TRPM3: variants seen among roughly 807,000 people sequenced by gnomAD.
TRPM3 encodes long transient receptor potential channel 3.
A neutral mutation model predicts 181.2 loss-of-function variants in TRPM3; 77 were observed. The observed-to-expected ratio is 0.42, with a 90% CI of 0.35 to 0.51. The LOEUF (loss-of-function observed/expected upper bound fraction) is 0.51, where lower values mean the gene tolerates loss of function less well. Ranked by LOEUF, TRPM3 falls within the 20% of genes least tolerant of loss-of-function variation. The pLI, the probability that TRPM3 is intolerant of heterozygous loss-of-function variation, is 0.01. For synonymous variants in TRPM3, 745 were observed against 796.4 expected (o/e 0.94, Z 1.09); for missense variants, 1,759 against 2,196.7 (o/e 0.80, Z 3.98).
At chr9:71,308,625 T>C (rs1009901605) in intron 1 of TRPM3, among the ~76,000 whole-genome samples, 1 of 152,096 alleles carries the variant, frequency 6.6e-6, no homozygotes, top group Non-Finnish European at 1.5e-5. Flanking sequence ...AGAAGGAAAA[T>C]TATTTTACAC....
At chr9:71,445,003 C>CA (rs1232591418) in intron 1 of TRPM3, among the ~76,000 whole-genome samples, 2 of 152,222 alleles carry the variant, frequency 1.3e-5, no homozygotes, top group African/African-American at 4.8e-5. Context: ...AGAACTACAG[C>CA]ACCATCATCA....
At chr9:70,993,977 T>C (rs761745666) in intron 1 of TRPM3, among the ~76,000 whole-genome samples, 1 of 152,088 alleles carries the variant, frequency 6.6e-6, no homozygotes, top group Admixed American at 6.6e-5. Flanking sequence ...AGAGGCATAC[T>C]GTGATTGTTG....
At chr9:70,537,840 G>A (rs1368293056) in intron 25 of TRPM3, among the ~76,000 whole-genome samples, 5 of 152,128 alleles carry the variant, frequency 3.3e-5, no homozygotes, top group African/African-American at 1.2e-4. Context: ...CCCACAAAAT[G>A]AGAATGTTGC....
At chr9:71,298,375 A>C (rs2132311041) in intron 1 of TRPM3, among the ~76,000 whole-genome samples, 2 of 152,278 alleles carry the variant, frequency 1.3e-5, no homozygotes, top group South Asian at 4.1e-4. Context: ...GTCTAAGCTC[A>C]AGGGATGAAT....
At chr9:71,163,382 G>A (rs1018860988) in intron 1 of TRPM3, among the ~76,000 whole-genome samples, 1 of 152,102 alleles carries the variant, frequency 6.6e-6, no homozygotes, top group Non-Finnish European at 1.5e-5. Context: ...TGTTGATTAG[G>A]GAGATGGAAA....
rs149274549 is a variant in TRPM3, at chr9:71,396,608, C to A, written c.183+50045G>T. On this transcript the variant is annotated intron_variant, in intron 1 of 24. Transcript: ENST00000357533. ...GAGTTTCCTCAGGAGAAAGACGATT[C>A]TGAGAACCAAATCTAAAAAGTTAAA... 9.7e-4 allele frequency among the ~76,000 whole-genome samples: 147 copies of A among 151,542 alleles called. 2 individuals are homozygous for A. The highest frequency in any genetic ancestry group is 6.1e-3 in the South Asian group (29 of 4,792).
At chr9:71,274,702 G>A (rs1163698011) in intron 1 of TRPM3, among the ~76,000 whole-genome samples, 1 of 152,232 alleles carries the variant, frequency 6.6e-6, no homozygotes, top group Non-Finnish European at 1.5e-5. Context: ...TCTATTCACT[G>A]TGTAGTGGGC....
At chr9:70,862,778 G>A in intron 3 of TRPM3, 130 bp downstream of exon 3, 1 of 872,028 alleles carries the variant, frequency 1.1e-6, no homozygotes, top group East Asian at 2.4e-5. Flanking sequence ...ACTCAGAGCA[G>A]GTCACCTCAT....
intron 8 of TRPM3, among the ~76,000 whole-genome samples, chr9:70,683,714 C>G (rs12380687): frequency 6.6e-6 from 1 of 152,234 alleles, no homozygotes; most frequent in East Asian, 1.9e-4. Context: ...TTCTGCATAA[C>G]TACAGGTTTG....
intron 1 of TRPM3, among the ~76,000 whole-genome samples, chr9:71,110,144 C>T (rs1354425835): frequency 1.3e-5 from 2 of 152,092 alleles, no homozygotes; most frequent in African/African-American, 4.8e-5. Context: ...TTCCCTCAGA[C>T]ACTGAGCAGT....
intron 1 of TRPM3, among the ~76,000 whole-genome samples, chr9:71,329,756 A>G (rs1340196398): frequency 3.3e-5 from 5 of 152,182 alleles, no homozygotes; most frequent in Non-Finnish European, 7.4e-5. Context: ...AAAGAGATAT[A>G]TGCCTGGCCC....
chr9:70,637,678 A>G (rs1316884776), intron 11 of TRPM3, among the ~76,000 whole-genome samples: 1 of 152,172 alleles, frequency 6.6e-6, no homozygotes, highest in Non-Finnish European at 1.5e-5. Context: ...GCGTGGCACC[A>G]TCTAACAACT....
intron 1 of TRPM3, among the ~76,000 whole-genome samples, chr9:71,100,784 C>T (rs10512011): frequency 0.058 from 8,818 of 152,172 alleles, 383 homozygotes; most frequent in Admixed American, 0.13. Flanking sequence ...CATTAGACTT[C>T]TCCTTTGCAA....
At chr9:71,255,563 G>A (rs777070064) in intron 1 of TRPM3, among the ~76,000 whole-genome samples, 1 of 152,040 alleles carries the variant, frequency 6.6e-6, no homozygotes, top group East Asian at 1.9e-4. Flanking sequence ...ACAAATGTAA[G>A]GTAAAAAAGA....
intron 8 of TRPM3, among the ~76,000 whole-genome samples, chr9:70,683,388 T>C (rs2065937042): frequency 6.7e-6 from 1 of 148,956 alleles, no homozygotes; most frequent in African/African-American, 2.5e-5. Context: ...CCCAGCTTCC[T>C]TCCTTCCTTT....
At chr9:71,202,560 T>G (rs1162417004) in intron 1 of TRPM3, among the ~76,000 whole-genome samples, 1 of 152,144 alleles carries the variant, frequency 6.6e-6, no homozygotes, top group Non-Finnish European at 1.5e-5. Flanking sequence ...GCCTTTTGGT[T>G]TATGTTTATT....
intron 1 of TRPM3, among the ~76,000 whole-genome samples, chr9:71,009,416 T>C (rs1458789490): frequency 6.6e-6 from 1 of 152,084 alleles, no homozygotes; most frequent in Non-Finnish European, 1.5e-5. Flanking sequence ...AAAATCAACA[T>C]AAAAATCATT....
intron 1 of TRPM3, among the ~76,000 whole-genome samples, chr9:70,933,956 T>C (rs1388882902): frequency 1.3e-5 from 2 of 152,054 alleles, no homozygotes; most frequent in African/African-American, 4.8e-5. Context: ...CAGGGTTTTT[T>C]GTGGTGTGGT....
At position 70,620,172 on chromosome 9, in the gene TRPM3, G is replaced by C; in HGVS notation, c.2033C>G (p.Ala678Gly). Residue 678 changes from alanine to glycine, a missense_variant, in exon 16 of 26, where the codon GCC becomes GGC. Coordinates refer to ENST00000677713, the MANE Select transcript of TRPM3 (RefSeq NM_001366145.2). ...WQHGEEAMAK[A>G]LVACKLCKAM... ...TTTGCAGAGCTTGCAGGCCACCAGG[G>C]CCTTGGCCATGGCCTCCTCACCGTG... 1 of 1,614,202 alleles carries C rather than the reference G, an allele frequency of 6.2e-7. No individual in the cohort carries two copies. The highest frequency in any genetic ancestry group is 8.5e-7 in the Non-Finnish European group (1 of 1,180,044).
Sources: gnomAD v4.1 joint callset for allele counts (sites outside exome capture counted in the v4.1 genomes callset) on GRCh38, gnomAD v4.1.1 for gene constraint, MANE v1.5 for transcripts, NCBI Gene and HGNC (gene_info 2026-07-23, HGNC 2026-07-21) for gene names.